The following AGBL1 variants were observed in gnomAD, a reference collection of about 807,000 sequenced individuals.
The protein encoded by AGBL1 is AGBL carboxypeptidase 1.
AGBL1 carries 130 observed loss-of-function variants against 118.9 expected under a neutral mutation model. That is an observed-to-expected ratio of 1.09 (90% confidence interval 0.95 to 1.26). The LOEUF (loss-of-function observed/expected upper bound fraction) is 1.26. Ranked by LOEUF, AGBL1 falls within the 50% of genes most tolerant of loss-of-function variation. The pLI is 0.00. For synonymous variants in AGBL1, 555 were observed against 478.9 expected (o/e 1.16, Z -2.08); for missense variants, 1,584 against 1,298.1 (o/e 1.22, Z -3.38).
chr15:86,896,073 G>A (rs2080121712), intron 22 of AGBL1, among the ~76,000 whole-genome samples: 1 of 151,712 alleles, frequency 6.6e-6, no homozygotes, highest in African/African-American at 2.4e-5. Flanking sequence ...TAAGCTTTTT[G>A]TTAAAATGTT....
At chr15:86,737,334 G>A (rs1473774997) in intron 22 of AGBL1, among the ~76,000 whole-genome samples, 2 of 152,258 alleles carry the variant, frequency 1.3e-5, no homozygotes, top group East Asian at 3.9e-4. Flanking sequence ...CCAGGCAAAG[G>A]TGATATTCCT....
At chr15:86,366,823 T>C (rs2141934095) in intron 17 of AGBL1, among the ~76,000 whole-genome samples, 1 of 152,292 alleles carries the variant, frequency 6.6e-6, no homozygotes, top group South Asian at 2.1e-4. Context: ...AAAGGTTCCT[T>C]TACTGTCTTT....
At chr15:86,812,148 CGCTT>C (rs968704863) in intron 22 of AGBL1, among the ~76,000 whole-genome samples, 5 of 152,130 alleles carry the variant, frequency 3.3e-5, no homozygotes, top group African/African-American at 1.2e-4. Context: ...ACAATGTGTG[CGCTT>C]ACTTTTTATT....
intron 22 of AGBL1, among the ~76,000 whole-genome samples, chr15:86,860,708 G>A (rs1046831270): frequency 1.6e-5 from 2 of 123,812 alleles, no homozygotes; most frequent in Non-Finnish European, 3.6e-5. Context: ...TTTCCTCTGT[G>A]AGTAAGTGTG....
chr15:86,238,996 T>A (rs1406029375), intron 6 of AGBL1, among the ~76,000 whole-genome samples: 4 of 151,016 alleles, frequency 2.6e-5, no homozygotes, highest in African/African-American at 9.9e-5. Context: ...ACATTGTATG[T>A]GCTGAGGGTG....
chr15:86,842,145 G>A (rs1335279593), intron 22 of AGBL1, among the ~76,000 whole-genome samples: 2 of 151,698 alleles, frequency 1.3e-5, no homozygotes, highest in Non-Finnish European at 2.9e-5. Context: ...TGCTTTGCTA[G>A]TTCTCATTGA....
chr15:86,286,735 G>GTGTATATATATATATATA lies in AGBL1; in HGVS notation c.2220+6953_2220+6954insGTATATATATATATATAT. 4.0e-4 allele frequency among the ~76,000 whole-genome samples: 43 copies of GTGTATATATATATATATA among 106,284 alleles called. 6 individuals carry two copies. Among genetic ancestry groups the GTGTATATATATATATATA allele is most frequent in the South Asian group, 8.0e-4 (3 of 3,756 alleles). 69.7% of individuals were successfully genotyped at this position (106,284 alleles called of 152,430 possible). ...TATATGTGTGTGTGTGTTTGTGTGT[G>GTGTATATATATATATATA]TATATATATATATAAAACTCCATCA... On this transcript the variant is annotated intron_variant, in intron 16 of 22. Coordinates refer to ENST00000614907, the MANE Select transcript of AGBL1 (RefSeq NM_001386094.1).
rs752390108 is a variant in AGBL1 at position 86,269,937 on chromosome 15, G to A, written c.1857G>A (p.Leu619=). ...TCTGCAGGTTCGAGTATGACTTGCTGGTCAACGCAGATGTGAATAGCACCC... is the reference window on the plus strand; with the variant it reads ...TCTGCAGGTTCGAGTATGACTTGCTAGTCAACGCAGATGTGAATAGCACCC... ...IQVREFEYDL[L]VNADVNSTQH... is the part of the protein sequence containing the mutation. The change falls in exon 14 of 23, where the codon CTG becomes CTA. Residue 619 remains leucine, a synonymous_variant. Coordinates refer to ENST00000614907, the MANE Select transcript of AGBL1 (RefSeq NM_001386094.1). 1 of 1,613,756 alleles carries A rather than the reference G, an allele frequency of 6.2e-7. No individual in the cohort carries two copies. Among genetic ancestry groups the A allele is most frequent in the African/African-American group, 1.3e-5 (1 of 75,006 alleles).
At chr15:86,951,083 A>C (rs1042413300) in intron 23 of AGBL1, among the ~76,000 whole-genome samples, 1 of 152,142 alleles carries the variant, frequency 6.6e-6, no homozygotes, top group Non-Finnish European at 1.5e-5. Flanking sequence ...ATTTTTAGAG[A>C]GACACCCTCT....
At chr15:86,989,615 G>T (rs755659649) in intron 24 of AGBL1, among the ~76,000 whole-genome samples, 2 of 152,058 alleles carry the variant, frequency 1.3e-5, no homozygotes, top group Non-Finnish European at 2.9e-5. Flanking sequence ...CATCTGAGAA[G>T]TATATAGCAA....
intron 18 of AGBL1, among the ~76,000 whole-genome samples, chr15:86,421,562 C>A (rs1345206374): frequency 6.6e-6 from 1 of 152,102 alleles, no homozygotes; most frequent in Non-Finnish European, 1.5e-5. Context: ...GGAAAAATAA[C>A]CAGCTAGCAT....
intron 22 of AGBL1, among the ~76,000 whole-genome samples, chr15:86,764,256 A>T (rs1362047093): frequency 6.6e-6 from 1 of 152,048 alleles, no homozygotes; most frequent in Admixed American, 6.6e-5. Context: ...GCAAGATAAT[A>T]CATGTAGCAG....
In AGBL1 at chr15:86,638,009, G is replaced by A. The variant is rs2085125698; in HGVS notation, c.2995-36264G>A. Among the ~76,000 whole-genome samples the A allele has an allele frequency of 2.6e-5, 4 of 151,984 alleles. No homozygotes were observed. In the South Asian group the frequency reaches 8.3e-4, roughly 32 times the overall value. On this transcript the variant is annotated intron_variant, in intron 21 of 22. Coordinates refer to ENST00000614907, the MANE Select transcript of AGBL1 (RefSeq NM_001386094.1). ...ATGTTTTTTCCATCCCTGTGTATTT[G>A]CTTCCTGATAGGACCTCAGAGGAAG...
intron 22 of AGBL1, among the ~76,000 whole-genome samples, chr15:86,809,048 TA>T (rs1397774526): frequency 6.6e-6 from 1 of 152,008 alleles, no homozygotes; most frequent in East Asian, 1.9e-4. Context: ...TATGAATATC[TA>T]AAAAAAGGAG....
At chr15:86,208,223 A>G (rs1010942703) in intron 5 of AGBL1, among the ~76,000 whole-genome samples, 1 of 152,170 alleles carries the variant, frequency 6.6e-6, no homozygotes, top group African/African-American at 2.4e-5. Context: ...TCGGTTTGCC[A>G]GTAATTTATT....
chr15:86,350,752 A>T (rs1281382479), intron 17 of AGBL1, among the ~76,000 whole-genome samples: 1 of 152,208 alleles, frequency 6.6e-6, no homozygotes, highest in African/African-American at 2.4e-5. Context: ...TCTGGAAAAC[A>T]CGTCAGGATA....
chr15:86,538,313 T>G (rs2083452639), intron 19 of AGBL1, among the ~76,000 whole-genome samples: 1 of 152,204 alleles, frequency 6.6e-6, no homozygotes, highest in South Asian at 2.1e-4. Flanking sequence ...CAGGTGGTTT[T>G]AGGAATAAAT....
intron 18 of AGBL1, among the ~76,000 whole-genome samples, chr15:86,459,568 T>C (rs2082304239): frequency 6.6e-6 from 1 of 152,150 alleles, no homozygotes; most frequent in South Asian, 2.1e-4. Flanking sequence ...CTTAAGCTCT[T>C]ATAAATTTTT....
intron 22 of AGBL1, among the ~76,000 whole-genome samples, chr15:86,687,551 T>C (rs1479228280): frequency 6.6e-6 from 1 of 152,170 alleles, no homozygotes; most frequent in African/African-American, 2.4e-5. Flanking sequence ...GGCTGAATAC[T>C]ATGTAATATT....
Sources: allele counts gnomAD v4.1 joint callset (sites outside exome capture counted in the v4.1 genomes callset), GRCh38; gene constraint gnomAD v4.1.1; transcripts MANE v1.5; gene names NCBI Gene and HGNC (gene_info 2026-07-23, HGNC 2026-07-21).